RASGRF2: variants seen among roughly 807,000 people sequenced by gnomAD.
The protein encoded by RASGRF2 is ras-specific guanine nucleotide-releasing factor 2.
In RASGRF2, 76 loss-of-function variants were observed where a neutral mutation model predicts 151.0. The ratio of observed to expected loss-of-function variants is 0.50; its 90% CI spans 0.42 to 0.61. RASGRF2 has a LOEUF of 0.61. RASGRF2 is among the 20% of genes least tolerant of loss of function. The pLI is 0.00. For synonymous variants in RASGRF2, 504 were observed against 566.5 expected (o/e 0.89, Z 1.57); for missense variants, 1,148 against 1,564.6 (o/e 0.73, Z 4.49).
chr5:81,190,832 G>A (rs779686308), intron 18 of RASGRF2, among the ~76,000 whole-genome samples: 15 of 152,156 alleles, frequency 9.9e-5, no homozygotes, highest in Admixed American at 5.9e-4. Flanking sequence ...CTGATTTTCC[G>A]TTTTCATTAG....
chr5:81,002,358 A>G (rs530804021), intron 1 of RASGRF2, among the ~76,000 whole-genome samples: 4 of 152,272 alleles, frequency 2.6e-5, no homozygotes, highest in African/African-American at 9.6e-5. Context: ...AGTATTTACT[A>G]GAGTAAGTAG....
At chr5:81,130,791 C>G (rs1338145913) in intron 17 of RASGRF2, among the ~76,000 whole-genome samples, 3 of 152,152 alleles carry the variant, frequency 2.0e-5, no homozygotes, top group Non-Finnish European at 4.4e-5. Flanking sequence ...AATAAACACC[C>G]CATGCTTTCA....
At chr5:81,034,216 C>T (rs1184623099) in intron 1 of RASGRF2, among the ~76,000 whole-genome samples, 3 of 152,170 alleles carry the variant, frequency 2.0e-5, no homozygotes, top group Non-Finnish European at 4.4e-5. Context: ...CATCACTGGC[C>T]ATCAGAGAAA....
chr5:81,213,641 C>T (rs926504086), intron 23 of RASGRF2, among the ~76,000 whole-genome samples: 1 of 152,138 alleles, frequency 6.6e-6, no homozygotes, highest in Non-Finnish European at 1.5e-5. Flanking sequence ...CTTCATTTTG[C>T]CCTCCAAGCT....
Position 81,094,967 on chromosome 5 carries a change from C to T in RASGRF2, c.1730C>T (p.Ala577Val). The T allele has an allele frequency of 6.4e-7, 1 of 1,568,572 alleles. No individual in the cohort carries two copies. Among genetic ancestry groups the T allele is most frequent in the Non-Finnish European group, 8.6e-7 (1 of 1,157,084 alleles). Reference protein sequence around the residue: ...VLLAPSRQEKAAWMSDISQCV... With the variant: ...VLLAPSRQEKVAWMSDISQCV... ...TTAGCACCCTCACGCCAGGAGAAAG[C>T]TGCCTGGATGAGTGACATCAGTCAG... Residue 577 changes from alanine to valine, a missense_variant, in exon 12 of 27, where the codon GCT becomes GTT. Physicochemically the swap from Ala to Val is moderately conservative, Grantham distance 64 (BLOSUM62 0). Transcript: ENST00000265080.
intron 1 of RASGRF2, among the ~76,000 whole-genome samples, chr5:80,964,977 G>C (rs1747678106): frequency 1.3e-5 from 2 of 152,096 alleles, no homozygotes; most frequent in African/African-American, 4.8e-5. Flanking sequence ...TTTTCTGGTG[G>C]TGGTAAATGT....
At chr5:81,051,051 T>C (rs1750992887) in intron 2 of RASGRF2, among the ~76,000 whole-genome samples, 1 of 152,248 alleles carries the variant, frequency 6.6e-6, no homozygotes. Flanking sequence ...TTGCTATCAC[T>C]AATATCTGTC....
At position 81,154,870 on chromosome 5, in the gene RASGRF2, A is replaced by T. The variant is rs976819786; in HGVS notation, c.2687-25305A>T. ...TTGAGAAACCTCCACACTGGTTTCC[A>T]TAATGGCTGTACTAATTTACCTTTT... On this transcript the variant is annotated intron_variant, in intron 17 of 26. Transcript: ENST00000265080. Among the ~76,000 whole-genome samples, 8 of 152,356 alleles carry T rather than the reference A, an allele frequency of 5.3e-5. No individual in the cohort carries two copies. The East Asian group carries it at 1.5e-3, about 29-fold the overall frequency.
rs1580301494 is a variant in RASGRF2, at chr5:81,089,547, T to G, written c.1390+2594T>G. Among the ~76,000 whole-genome samples, 10 of 152,346 alleles carry G rather than the reference T, an allele frequency of 6.6e-5. No homozygotes were observed. The South Asian group carries it at 1.9e-3, about 28-fold the overall frequency. ...TGTAAATGGTTTCCCATTATTAGTC[T>G]GTTGGATAGGATACAGAAGACTATA... On this transcript the variant is annotated intron_variant, in intron 9 of 26. Transcript: ENST00000265080.
At chr5:81,055,773 G>A (rs2112424462) in intron 2 of RASGRF2, among the ~76,000 whole-genome samples, 1 of 152,180 alleles carries the variant, frequency 6.6e-6, no homozygotes, top group South Asian at 2.1e-4. Context: ...ACTTTTTTTG[G>A]TTGGTAGGCT....
At chr5:80,973,972 T>C (rs988144834) in intron 1 of RASGRF2, among the ~76,000 whole-genome samples, 1 of 152,184 alleles carries the variant, frequency 6.6e-6, no homozygotes, top group Non-Finnish European at 1.5e-5. Flanking sequence ...GAGAGGGGTT[T>C]GAAGGCCTGA....
At chr5:81,094,252 C>T in intron 10 of RASGRF2, 44 bp from the exon 11 acceptor site, 1 of 1,499,302 alleles carries the variant, frequency 6.7e-7, no homozygotes, top group Non-Finnish European at 9.3e-7. Context: ...TCCCAATCTA[C>T]ACAAGACCTT....
intron 18 of RASGRF2, among the ~76,000 whole-genome samples, chr5:81,198,615 A>G (rs1002221754): frequency 2.6e-5 from 4 of 151,918 alleles, no homozygotes; most frequent in African/African-American, 9.7e-5. Flanking sequence ...AATTTTTTAT[A>G]TTTTTAGTAG....
At chr5:81,142,523 T>C (rs1467697861) in intron 17 of RASGRF2, among the ~76,000 whole-genome samples, 4 of 152,216 alleles carry the variant, frequency 2.6e-5, no homozygotes, top group African/African-American at 9.6e-5. Flanking sequence ...GCAATGTTTC[T>C]TATATGGGGC....
In RASGRF2 at chr5:81,043,853, G is replaced by T. The variant is rs453039; in HGVS notation, c.395+870G>T. Among the ~76,000 whole-genome samples, 3 of 152,068 alleles carry T rather than the reference G, an allele frequency of 2.0e-5. No individual in the cohort carries two copies. The East Asian group carries it at 5.8e-4, about 29-fold the overall frequency. On this transcript the variant is annotated intron_variant, in intron 2 of 26. Coordinates refer to ENST00000265080, the MANE Select transcript of RASGRF2 (RefSeq NM_006909.3). Reference sequence around the variant, plus strand: ...GTCTGTTCCTCCCTCTACCACTCCCGCCCTGAGACATCTCCCTGCAAGTCA... The same window carrying T: ...GTCTGTTCCTCCCTCTACCACTCCCTCCCTGAGACATCTCCCTGCAAGTCA...
At chr5:81,206,281 G>A (rs1484486741) in intron 19 of RASGRF2, among the ~76,000 whole-genome samples, 1 of 152,180 alleles carries the variant, frequency 6.6e-6, no homozygotes, top group East Asian at 1.9e-4. Flanking sequence ...AAGTGTCTGA[G>A]GAAAGTCCAT....
At chr5:81,165,383 G>A (rs1375406361) in intron 17 of RASGRF2, among the ~76,000 whole-genome samples, 2 of 152,144 alleles carry the variant, frequency 1.3e-5, no homozygotes, top group African/African-American at 4.8e-5. Flanking sequence ...TCGAACAGTT[G>A]GACCGAGTCC....
chr5:81,135,144 CA>C (rs111886459), intron 17 of RASGRF2, among the ~76,000 whole-genome samples: 2,176 of 134,836 alleles, frequency 0.016, 36 homozygotes, highest in African/African-American at 0.041. Flanking sequence ...CCATTTCTAC[CA>C]AAAAAAAAAA....
intron 25 of RASGRF2, among the ~76,000 whole-genome samples, chr5:81,217,806 A>G (rs374198935): frequency 4.7e-5 from 7 of 149,640 alleles, no homozygotes; most frequent in African/African-American, 1.5e-4. Context: ...GCAGTGGCGC[A>G]ATCTCGGCTC....
Sources: allele counts gnomAD v4.1 joint callset (sites outside exome capture counted in the v4.1 genomes callset), GRCh38; gene constraint gnomAD v4.1.1; transcripts MANE v1.5; gene names NCBI Gene and HGNC (gene_info 2026-07-23, HGNC 2026-07-21).